Variants in PSMC6 observed in about 807,000 individuals in gnomAD.
PSMC6 encodes proteasome 26S subunit, ATPase 6.
Under a neutral mutation model 55.9 loss-of-function variants are expected in PSMC6, and 3 were observed. The ratio of observed to expected loss-of-function variants is 0.05; its 90% CI spans 0.02 to 0.14. The LOEUF is 0.14. PSMC6 is among the 10% of genes least tolerant of loss of function. The pLI is 1.00. For synonymous variants in PSMC6, 137 were observed against 155.9 expected, an observed-to-expected ratio of 0.88 and a Z score of 0.90; for missense variants, 210 against 478.7, an observed-to-expected ratio of 0.44 and a Z score of 5.24.
At chr14:52,712,207 C>T (rs2041780344) in intron 6 of PSMC6, among the ~76,000 whole-genome samples, 1 of 152,102 alleles carries the variant, frequency 6.6e-6, no homozygotes, top group Non-Finnish European at 1.5e-5. Flanking sequence ...TCTCATACTT[C>T]AGTACATTAA....
intron 6 of PSMC6, among the ~76,000 whole-genome samples, chr14:52,712,684 G>A (rs925558317): frequency 6.6e-6 from 1 of 151,800 alleles, no homozygotes; most frequent in Non-Finnish European, 1.5e-5. Flanking sequence ...ATGCAGTGGT[G>A]CAGTCTCAGC....
intron 13 of PSMC6, among the ~76,000 whole-genome samples, chr14:52,725,107 G>A (rs1880355745): frequency 6.6e-6 from 1 of 152,194 alleles, no homozygotes; most frequent in Non-Finnish European, 1.5e-5. Context: ...AAACTATTTA[G>A]AGGTAAACTG....
chr14:52,708,088 G>T (rs114375049), intron 1 of PSMC6, among the ~76,000 whole-genome samples: 1 of 152,118 alleles, frequency 6.6e-6, no homozygotes, highest in Non-Finnish European at 1.5e-5. Flanking sequence ...AAGTATTGCC[G>T]ATCAACAAAG....
intron 5 of PSMC6, 106 bp from the exon 6 acceptor site, chr14:52,711,304 A>G (rs2041769640): frequency 7.9e-7 from 1 of 1,261,610 alleles, no homozygotes; most frequent in Non-Finnish European, 1.1e-6. Context: ...GCACATCTTT[A>G]TGAGATCAGC....
chr14:52,708,392 G>C lies in PSMC6; in HGVS notation c.165+4G>C, dbSNP rs1192288001. ...GGCCCTACAGAGTGTTGGGCAGGTAGGTGATGGAGTTTGGGGAATAGGGGG... is the reference window on the plus strand; with the variant it reads ...GGCCCTACAGAGTGTTGGGCAGGTACGTGATGGAGTTTGGGGAATAGGGGG... On this transcript the variant is annotated splice_donor_region_variant and intron_variant, in intron 2 of 13. Coordinates refer to ENST00000445930, the MANE Select transcript of PSMC6 (RefSeq NM_002806.5). 2 of 1,613,374 alleles carry C rather than the reference G, an allele frequency of 1.2e-6. No individual in the cohort carries two copies. Among genetic ancestry groups the C allele is most frequent in the East Asian group, 4.5e-5 (2 of 44,842 alleles).
chr14:52,708,735 A>T, intron 3 of PSMC6, 29 bp from the exon 4 acceptor site: 4 of 1,610,462 alleles, frequency 2.5e-6, no homozygotes, highest in Non-Finnish European at 3.4e-6. Flanking sequence ...TCTATTTTTC[A>T]ATTAGTTCTT....
At chr14:52,720,367 C>CAAAA (rs71444775) in intron 10 of PSMC6, among the ~76,000 whole-genome samples, 3,921 of 41,402 alleles carry the variant, frequency 0.095, 937 homozygotes, top group Non-Finnish European at 0.12. Context: ...AACTCTGTCT[C>CAAAA]AAAAAAAAAA....
At chr14:52,709,258 A>G (rs1386538839) in intron 4 of PSMC6, among the ~76,000 whole-genome samples, 1 of 152,176 alleles carries the variant, frequency 6.6e-6, no homozygotes, top group Non-Finnish European at 1.5e-5. Context: ...AATAATTCTA[A>G]ATTTTATTTT....
intron 7 of PSMC6, among the ~76,000 whole-genome samples, chr14:52,717,598 A>G (rs2041843692): frequency 6.6e-6 from 1 of 151,802 alleles, no homozygotes; most frequent in South Asian, 2.1e-4. Context: ...CTGGGATTAC[A>G]GGTGTGAGCC....
At chr14:52,717,406 G>A (rs2041841728) in intron 7 of PSMC6, among the ~76,000 whole-genome samples, 3 of 134,594 alleles carry the variant, frequency 2.2e-5, no homozygotes, top group Admixed American at 1.8e-4. Flanking sequence ...GAGATTATAA[G>A]CTCACTGCAA....
chr14:52,710,795 T>C (rs1264810397), intron 4 of PSMC6: 1 of 354,044 alleles, frequency 2.8e-6, no homozygotes, highest in Non-Finnish European at 5.2e-6. Context: ...CTAAGGGATT[T>C]TTCTATAAAT....
In PSMC6 at chr14:52,707,211, C is replaced by T. The variant is rs371829618; in HGVS notation, c.-9C>T. ...TCCCGGCATCCCCTATGAGAGACGG[C>T]TTCTCATCATGGCGGACCCTAGAGA... On this transcript the variant is annotated 5_prime_UTR_variant, in exon 1 of 14. Coordinates refer to ENST00000445930, the MANE Select transcript of PSMC6 (RefSeq NM_002806.5). The T allele has an allele frequency of 1.3e-4, 202 of 1,613,256 alleles. No individual in the cohort carries two copies. Among genetic ancestry groups the T allele is most frequent in the Non-Finnish European group, 1.5e-4 (172 of 1,179,764 alleles).
chr14:52,723,842 A>C (rs1880288853), intron 12 of PSMC6, 123 bp from the exon 13 acceptor site: 2 of 1,457,176 alleles, frequency 1.4e-6, no homozygotes, highest in African/African-American at 2.9e-5. Context: ...GTGGAAAGTT[A>C]ACAGAGCTGA....
In PSMC6 at chr14:52,711,155, C is replaced by G; in HGVS notation, c.313C>G (p.Leu105Val). ...GTRVALDMTT[L>V]TIMRYLPREV... ...AAGAGTTGCTTTGGATATGACTACA[C>G]TAACTATCATGAGGTGGGTTTCTTA... The change falls in exon 5 of 14, where the codon CTA becomes GTA. Residue 105 changes from leucine (L) to valine (V), a missense_variant. Transcript: ENST00000445930. The G allele has an allele frequency of 6.2e-7, 1 of 1,613,546 alleles. No homozygotes were observed.
chr14:52,717,656 A>G (rs2041844164), intron 7 of PSMC6, among the ~76,000 whole-genome samples: 1 of 152,006 alleles, frequency 6.6e-6, no homozygotes, highest in Admixed American at 6.6e-5. Flanking sequence ...AATTCTATTT[A>G]GGATTTAGCT....
chr14:52,708,812 G>T lies in PSMC6; in HGVS notation c.254G>T (p.Arg85Leu). The change falls in exon 4 of 14, where the codon CGA (arginine) becomes CTA (leucine). Residue 85 changes from arginine (R) to leucine (L), a missense_variant. This residue lies in a region of PSMC6 where 101 missense variants were observed against 250.4 expected (regional missense o/e 0.40). Transcript: ENST00000445930. Reference sequence around the variant, plus strand: ...CCAAGATATGTTGTGGGTTGTCGTCGACAGGTAATACTTTATATTTGTATA... The same window carrying T: ...CCAAGATATGTTGTGGGTTGTCGTCTACAGGTAATACTTTATATTTGTATA... ...NGPRYVVGCR[R>L]QLDKSKLKPG... 6.2e-7 allele frequency: 1 copy of T among 1,613,502 alleles called. No homozygotes were observed. Among genetic ancestry groups the T allele is most frequent in the South Asian group, 1.1e-5 (1 of 90,942 alleles).
chr14:52,727,651 A>G lies in PSMC6; in HGVS notation c.*34A>G. Reference sequence around the variant, plus strand: ...AAGATTTTTGATGGCTGCATGACAGATGTTGGCTTATTGTAAAAATAAAGT... The same window carrying G: ...AAGATTTTTGATGGCTGCATGACAGGTGTTGGCTTATTGTAAAAATAAAGT... On this transcript the variant is annotated 3_prime_UTR_variant, in exon 14 of 14. Coordinates refer to ENST00000445930, the MANE Select transcript of PSMC6 (RefSeq NM_002806.5). 7.2e-7 allele frequency: 1 copy of G among 1,395,040 alleles called. No homozygotes were observed. 86.4% of individuals were successfully genotyped at this position (1,395,040 alleles called of 1,614,324 possible). A position where few individuals can be genotyped will look rare whatever the true frequency, so the allele number is the denominator to read the frequency against.
At chr14:52,718,784 C>T in intron 9 of PSMC6, 193 bp from the exon 10 acceptor site, 4 of 569,410 alleles carry the variant, frequency 7.0e-6, no homozygotes, top group Non-Finnish European at 9.2e-6. Context: ...GACTCCGTCT[C>T]AATAAATAAC....
intron 7 of PSMC6, 66 bp downstream of exon 7, chr14:52,714,034 A>T: frequency 9.2e-7 from 1 of 1,087,796 alleles, no homozygotes; most frequent in Non-Finnish European, 1.3e-6. Context: ...AAAAAAAAAG[A>T]CAATTTTTTT....
Sources: allele counts gnomAD v4.1 joint callset (sites outside exome capture counted in the v4.1 genomes callset), GRCh38; gene constraint gnomAD v4.1.1; regional missense constraint gnomAD v4.1.1; transcripts MANE v1.5; gene names NCBI Gene and HGNC (gene_info 2026-07-23, HGNC 2026-07-21).